The following MS4A4A variants were observed in gnomAD, a reference collection of about 807,000 sequenced individuals.
The protein encoded by MS4A4A is membrane-spanning 4-domains subfamily A member 4A.
A neutral mutation model predicts 28.0 loss-of-function variants in MS4A4A; 26 were observed. The ratio of observed to expected loss-of-function variants is 0.93; its 90% CI spans 0.68 to 1.29. The LOEUF is 1.29. Among genes scored for constraint, MS4A4A ranks in the 50% most tolerant of loss-of-function variants. MS4A4A has a pLI of 0.00. For synonymous variants in MS4A4A, 86 were observed against 100.8 expected, an observed-to-expected ratio of 0.85 and a Z score of 0.88; for missense variants, 290 against 293.1, an observed-to-expected ratio of 0.99 and a Z score of 0.08.
At position 60,301,039 on chromosome 11, in the gene MS4A4A, T is replaced by C; in HGVS notation, c.369T>C (p.Ile123=). 6.2e-7 allele frequency: 1 copy of C among 1,600,974 alleles called. No homozygotes were observed. Among genetic ancestry groups the C allele is most frequent in the South Asian group, 1.1e-5 (1 of 88,234 alleles). Residue 123 remains isoleucine (I), a synonymous_variant, in exon 4 of 7, where the codon ATT becomes ATC. Transcript: ENST00000337908. ...ISGSLSIAAG[I]RTTKGLVRGS... is the part of the protein sequence containing the mutation. Reference sequence around the variant, plus strand: ...GATCCTTGTCAATTGCAGCAGGAATTAGAACTACAAAAGGCCTGGTGAGTA... The same window carrying C: ...GATCCTTGTCAATTGCAGCAGGAATCAGAACTACAAAAGGCCTGGTGAGTA...
intron 3 of MS4A4A, among the ~76,000 whole-genome samples, chr11:60,299,012 C>T (rs1238536630): frequency 6.6e-6 from 1 of 152,158 alleles, no homozygotes; most frequent in African/African-American, 2.4e-5. Context: ...ATATGTTTCA[C>T]ATTCCTTGTT....
chr11:60,292,493 C>T, intron 2 of MS4A4A, 109 bp downstream of exon 2: 1 of 1,129,012 alleles, frequency 8.9e-7, no homozygotes, highest in Non-Finnish European at 1.2e-6. Flanking sequence ...AGCCAACCCT[C>T]ACGACGTCAG....
Position 60,308,154 on chromosome 11 carries a change from T to G in MS4A4A, c.696T>G (p.Ser232=). 6.2e-7 allele frequency: 1 copy of G among 1,614,034 alleles called. No individual in the cohort carries two copies. Among genetic ancestry groups the G allele is most frequent in the South Asian group, 1.1e-5 (1 of 91,068 alleles). ...PSHSHMAETA[S]PTPLNEV ...ATTCTCACATGGCAGAAACAGCATCTCCCACACCACTTAATGAGGTTTGAG... is the reference window on the plus strand; with the variant it reads ...ATTCTCACATGGCAGAAACAGCATCGCCCACACCACTTAATGAGGTTTGAG... The change falls in exon 7 of 7, where the codon TCT becomes TCG. Residue 232 remains serine, a synonymous_variant. Transcript: ENST00000337908.
At chr11:60,283,048 AGATT>A (rs2084769712) in intron 1 of MS4A4A, among the ~76,000 whole-genome samples, 1 of 152,214 alleles carries the variant, frequency 6.6e-6, no homozygotes, top group East Asian at 1.9e-4. Context: ...GATTAGAATG[AGATT>A]GATTGAGCAT....
chr11:60,294,885 A>AACTACT (rs1554993354), intron 2 of MS4A4A, among the ~76,000 whole-genome samples: 1,602 of 104,380 alleles, frequency 0.015, 61 homozygotes, highest in Admixed American at 0.022. Flanking sequence ...TTAGTCCTAC[A>AACTACT]ACTACTACTT....
intron 3 of MS4A4A, among the ~76,000 whole-genome samples, chr11:60,297,702 G>C (rs1178882642): frequency 1.3e-5 from 2 of 152,142 alleles, no homozygotes; most frequent in South Asian, 4.1e-4. Flanking sequence ...CCACATCAGA[G>C]GGGAGATGGT....
Position 60,294,533 on chromosome 11 carries a change from C to T in MS4A4A, c.201+2149C>T, listed in dbSNP as rs1264841091. Reference sequence around the variant, plus strand: ...TCGTATTGACAAATTCATCACCAAACCCAAGGTCATCTAGATTTTGGCCTA... The same window carrying T: ...TCGTATTGACAAATTCATCACCAAATCCAAGGTCATCTAGATTTTGGCCTA... On this transcript the variant is annotated intron_variant, in intron 2 of 6. Coordinates refer to ENST00000337908, the MANE Select transcript of MS4A4A (RefSeq NM_148975.3). Among the ~76,000 whole-genome samples, 4 of 152,056 alleles carry T rather than the reference C, an allele frequency of 2.6e-5. No individual in the cohort carries two copies. The East Asian group carries it at 7.7e-4, about 29-fold the overall frequency.
At chr11:60,284,426 T>C (rs2084785359) in intron 1 of MS4A4A, among the ~76,000 whole-genome samples, 1 of 152,234 alleles carries the variant, frequency 6.6e-6, no homozygotes, top group African/African-American at 2.4e-5. Flanking sequence ...ACTCCTGTCA[T>C]GACCCTGCTC....
intron 6 of MS4A4A, 39 bp downstream of exon 6, chr11:60,306,240 T>A: frequency 2.1e-6 from 3 of 1,459,614 alleles, no homozygotes; most frequent in Non-Finnish European, 2.9e-6. Flanking sequence ...CTGTATTAGT[T>A]TTCTATTGCT....
intron 5 of MS4A4A, among the ~76,000 whole-genome samples, chr11:60,304,040 G>A (rs1054176481): frequency 2.6e-5 from 4 of 152,160 alleles, no homozygotes; most frequent in East Asian, 1.9e-4. Context: ...CTTGCCACTC[G>A]CTCAAAATAA....
At chr11:60,282,575 T>G (rs1238622185) in intron 1 of MS4A4A, 5 of 1,282,138 alleles carry the variant, frequency 3.9e-6, no homozygotes, top group Middle Eastern at 4.3e-4. Flanking sequence ...TGTGGTGGGT[T>G]TGTTTTTGTT....
In MS4A4A at chr11:60,286,020, G is replaced by A. The variant is rs189503040; in HGVS notation, c.41+5304G>A. The stretch of plus-strand genomic sequence containing the variant: ...CGCATAAGGCAGACACCCCCAGAGC[G>A]GCTGTCCATAGGCACCCCCTGGGAA... On this transcript the variant is annotated intron_variant, in intron 1 of 6. Transcript: ENST00000337908. Among the ~76,000 whole-genome samples the A allele has an allele frequency of 2.9e-3, 445 of 152,226 alleles. 1 individual carries two copies. The highest frequency in any genetic ancestry group is 4.9e-3 in the Non-Finnish European group (333 of 68,006).
At chr11:60,288,835 A>G (rs1249846402) in intron 1 of MS4A4A, among the ~76,000 whole-genome samples, 1 of 152,162 alleles carries the variant, frequency 6.6e-6, no homozygotes, top group African/African-American at 2.4e-5. Context: ...GACTCCAGGG[A>G]ACTAGTCAGT....
intron 5 of MS4A4A, among the ~76,000 whole-genome samples, chr11:60,303,165 G>T (rs559099047): frequency 6.6e-6 from 1 of 152,214 alleles, no homozygotes; most frequent in African/African-American, 2.4e-5. Flanking sequence ...TTCTTGCAAG[G>T]TTAACCACTT....
intron 1 of MS4A4A, among the ~76,000 whole-genome samples, chr11:60,289,480 G>A (rs540970165): frequency 1.3e-5 from 2 of 152,094 alleles, no homozygotes; most frequent in East Asian, 3.9e-4. Flanking sequence ...GGGTTTCTAT[G>A]ATCTACAAGA....
intron 1 of MS4A4A, chr11:60,282,498 G>T: frequency 9.3e-7 from 1 of 1,077,290 alleles, no homozygotes; most frequent in Non-Finnish European, 1.2e-6. Context: ...GTGGGGAAGT[G>T]GGGGAATAGT....
At position 60,301,203 on chromosome 11, in the gene MS4A4A, A is replaced by C. The variant is rs920943248; in HGVS notation, c.387+146A>C. 6.0e-6 allele frequency: 4 copies of C among 671,930 alleles called. No homozygotes were observed. The African/African-American group carries it at 7.4e-5, about 13-fold the overall frequency. 41.6% of individuals were successfully genotyped at this position (671,930 alleles called of 1,614,324 possible). ...TTTTACCTACTAGAATCTGTCTTTC[A>C]AAAACTGCAGTCAGGCTAATTGCTG... is the stretch of plus-strand genomic sequence containing the variant. On this transcript the variant is annotated intron_variant, in intron 4 of 6. Transcript: ENST00000337908.
intron 1 of MS4A4A, among the ~76,000 whole-genome samples, chr11:60,287,813 A>G (rs750883496): frequency 6.6e-6 from 1 of 152,242 alleles, no homozygotes; most frequent in Non-Finnish European, 1.5e-5. Context: ...AGACTTTCTC[A>G]GTTCAAAAGA....
At chr11:60,298,106 A>G (rs1445360844) in intron 3 of MS4A4A, among the ~76,000 whole-genome samples, 1 of 151,576 alleles carries the variant, frequency 6.6e-6, no homozygotes, top group Non-Finnish European at 1.5e-5. Context: ...ATTTAAATTT[A>G]AAAACCTTCT....
Sources: allele counts gnomAD v4.1 joint callset (sites outside exome capture counted in the v4.1 genomes callset), GRCh38; gene constraint gnomAD v4.1.1; transcripts MANE v1.5; gene names NCBI Gene and HGNC (gene_info 2026-07-23, HGNC 2026-07-21).